Variants in LYZL4 observed in about 807,000 individuals in gnomAD.
The protein encoded by LYZL4 is lysozyme-like protein 4.
In LYZL4, 13 loss-of-function variants were observed where a neutral mutation model predicts 17.6. That is an observed-to-expected ratio of 0.74 (90% CI 0.48 to 1.18). The LOEUF is 1.18. LYZL4 is among the 50% of genes most tolerant of loss of function. The pLI is 0.00. For missense variants in LYZL4, 174 were observed against 188.2 expected (o/e 0.92, Z 0.44); for synonymous variants, 64 against 67.7 (o/e 0.95, Z 0.27).
At chr3:42,372,531 G>A in the LYZL4 span, among the ~76,000 whole-genome samples, 1 of 152,184 alleles carries the variant, frequency 6.6e-6, no homozygotes, top group Non-Finnish European at 1.5e-5. Context: ...TTAATGTGTA[G>A]GTTACCCTGA....
the LYZL4 span, among the ~76,000 whole-genome samples, chr3:42,370,406 G>A: frequency 1.3e-5 from 2 of 152,188 alleles, no homozygotes; most frequent in African/African-American, 2.4e-5. Flanking sequence ...TTCTTCTGTG[G>A]TTTGGCTTGC....
the LYZL4 span, among the ~76,000 whole-genome samples, chr3:42,365,691 G>A: frequency 3.9e-5 from 6 of 152,142 alleles, no homozygotes; most frequent in African/African-American, 7.2e-5. Context: ...GCCACGACAC[G>A]GTGTGGATAT....
the LYZL4 span, among the ~76,000 whole-genome samples, chr3:42,369,038 C>T: frequency 6.6e-6 from 1 of 152,168 alleles, no homozygotes; most frequent in Non-Finnish European, 1.5e-5. Flanking sequence ...CTTAAATCCC[C>T]AGCACAGCTG....
chr3:42,408,297 C>T (rs1698798141), intron 1 of LYZL4, among the ~76,000 whole-genome samples: 1 of 152,228 alleles, frequency 6.6e-6, no homozygotes, highest in Non-Finnish European at 1.5e-5. Flanking sequence ...CACCCTTTAT[C>T]AGGACGAATC....
chr3:42,405,561 A>T (rs1698733851), intron 3 of LYZL4, among the ~76,000 whole-genome samples: 1 of 151,494 alleles, frequency 6.6e-6, no homozygotes, highest in African/African-American at 2.4e-5. Flanking sequence ...CAACCTCTCC[A>T]CTCTGTCTCC....
chr3:42,395,059 T>C (rs1378669056), downstream of LYZL4, among the ~76,000 whole-genome samples: 2 of 152,210 alleles, frequency 1.3e-5, no homozygotes, highest in South Asian at 2.1e-4. Flanking sequence ...ATTCATGCTG[T>C]GTGGTTGGGG....
At chr3:42,368,824 A>C in the LYZL4 span, among the ~76,000 whole-genome samples, 1 of 152,222 alleles carries the variant, frequency 6.6e-6, no homozygotes, top group Non-Finnish European at 1.5e-5. Flanking sequence ...AATACTTGCC[A>C]TTTAGTAGAT....
intron 4 of LYZL4, among the ~76,000 whole-genome samples, chr3:42,399,121 A>G (rs550829531): frequency 6.6e-6 from 1 of 152,332 alleles, no homozygotes; most frequent in South Asian, 2.1e-4. Context: ...TCAACATGCA[A>G]AGCAAAACAG....
rs977322721 is a variant in LYZL4 at position 42,397,135 on chromosome 3, CTT to C, written c.*128_*129del. 1.5e-6 allele frequency: 1 copy of C among 675,080 alleles called. No homozygotes were observed. The highest frequency in any genetic ancestry group is 2.8e-5 in the Admixed American group (1 of 35,612). 41.8% of individuals were successfully genotyped at this position (675,080 alleles called of 1,614,324 possible). On this transcript the variant is annotated 3_prime_UTR_variant, in exon 5 of 5. Transcript: ENST00000287748. ...ATCCTGCATCCCCGGATGAAGCAAA[CTT>C]TTGTCTTTTTCCATCTGGAACTCTT...
the LYZL4 span, among the ~76,000 whole-genome samples, chr3:42,378,050 T>G: frequency 6.6e-6 from 1 of 152,184 alleles, no homozygotes; most frequent in African/African-American, 2.4e-5. Context: ...ATGTTTTTTG[T>G]AGACAAAGCC....
At chr3:42,392,367 G>C (rs1028087644), downstream of LYZL4, among the ~76,000 whole-genome samples, 3 of 152,182 alleles carry the variant, frequency 2.0e-5, no homozygotes, top group African/African-American at 7.2e-5. Flanking sequence ...AGCAGCAGCA[G>C]CTAAAGGTGA....
the LYZL4 span, among the ~76,000 whole-genome samples, chr3:42,363,044 G>A: frequency 0.033 from 5,081 of 152,236 alleles, 284 homozygotes; most frequent in African/African-American, 0.12. Flanking sequence ...ACCCAGGGAG[G>A]TAGAAGAACA....
chr3:42,404,030 A>C lies in LYZL4; in HGVS notation c.371+16T>G. ...GAAAGTCGTTAATACAGGCTACATAAAAATGTAAGACTTACCATGCTCCCA... is the reference window on the plus strand; with the variant it reads ...GAAAGTCGTTAATACAGGCTACATACAAATGTAAGACTTACCATGCTCCCA... On this transcript the variant is annotated intron_variant, in intron 4 of 4. Transcript: ENST00000287748. 6 of 1,571,528 alleles carry C rather than the reference A, an allele frequency of 3.8e-6. No homozygotes were observed. Among genetic ancestry groups the C allele is most frequent in the Non-Finnish European group, 5.3e-6 (6 of 1,142,842 alleles).
the LYZL4 span, among the ~76,000 whole-genome samples, chr3:42,364,801 CA>C: frequency 5.3e-5 from 8 of 152,166 alleles, no homozygotes. Context: ...GCGTGTGAGA[CA>C]AGAACCATGG....
At chr3:42,403,425 T>C (rs1698693285) in intron 4 of LYZL4, among the ~76,000 whole-genome samples, 1 of 151,906 alleles carries the variant, frequency 6.6e-6, no homozygotes, top group African/African-American at 2.4e-5. Flanking sequence ...ACACCCGACT[T>C]ATTTTATTTT....
chr3:42,384,152 C>T, the LYZL4 span, among the ~76,000 whole-genome samples: 1 of 152,122 alleles, frequency 6.6e-6, no homozygotes, highest in African/African-American at 2.4e-5. Context: ...TAATCAAGAG[C>T]AATGTAATCA....
At chr3:42,401,073 A>G (rs554538013) in intron 4 of LYZL4, among the ~76,000 whole-genome samples, 2 of 152,340 alleles carry the variant, frequency 1.3e-5, no homozygotes, top group East Asian at 1.9e-4. Context: ...AGAAAAAGCC[A>G]CACAACCTGT....
the LYZL4 span, among the ~76,000 whole-genome samples, chr3:42,375,342 C>T: frequency 1.3e-5 from 2 of 152,244 alleles, no homozygotes; most frequent in Non-Finnish European, 2.9e-5. Flanking sequence ...CTAGCTTCTG[C>T]TTTCCTTATT....
rs531125829 is a variant in LYZL4 at position 42,406,956 on chromosome 3, G to A, written c.182C>T (p.Ala61Val). Residue 61 changes from alanine (A) to valine (V), a missense_variant, in exon 3 of 5, where the codon GCC becomes GTC. Physicochemically the swap from Ala to Val is moderately conservative, Grantham distance 64. Transcript: ENST00000287748. ...AYFESKFNPMAIYENTREGYT... is the reference protein window; with the variant it reads ...AYFESKFNPMVIYENTREGYT... ...GCCCTCACGTGTGTTCTCGTAGATG[G>A]CCATGGGGTTGAACTTGCTCTCGAA... 14 of 1,614,228 alleles carry A rather than the reference G, an allele frequency of 8.7e-6. No individual in the cohort carries two copies. In the Admixed American group the frequency reaches 1.7e-4, roughly 19 times the overall value.
Sources: gnomAD v4.1 joint callset for allele counts (sites outside exome capture counted in the v4.1 genomes callset) on GRCh38, gnomAD v4.1.1 for gene constraint, MANE v1.5 for transcripts, NCBI Gene and HGNC (gene_info 2026-07-23, HGNC 2026-07-21) for gene names.